TBC1D31: variants seen among roughly 807,000 people sequenced by gnomAD.
TBC1D31 encodes the protein TBC1 domain family member 31.
A neutral mutation model predicts 132.9 loss-of-function variants in TBC1D31; 99 were observed. That is an observed-to-expected ratio of 0.74 (90% CI 0.63 to 0.88). The LOEUF (loss-of-function observed/expected upper bound fraction) is 0.88. TBC1D31 is among the 40% of genes least tolerant of loss of function. The probability of loss-of-function intolerance (pLI) is 0.00; values close to 1 mark genes in which losing one functional copy is unlikely to be tolerated. For missense variants in TBC1D31, 1,134 were observed against 1,256.6 expected, an observed-to-expected ratio of 0.90 and a Z score of 1.48; for synonymous variants, 385 against 419.4, an observed-to-expected ratio of 0.92 and a Z score of 1.00.
chr8:123,077,612 A>G (rs924721784), intron 2 of TBC1D31, among the ~76,000 whole-genome samples: 7 of 151,316 alleles, frequency 4.6e-5, no homozygotes, highest in African/African-American at 1.7e-4. Flanking sequence ...GCTTACTGCA[A>G]ACTCCGCCTC....
chr8:123,150,528 T>C (rs1822667938), intron 21 of TBC1D31, among the ~76,000 whole-genome samples: 1 of 152,224 alleles, frequency 6.6e-6, no homozygotes, highest in Non-Finnish European at 1.5e-5. Flanking sequence ...TTGACTCTGT[T>C]CATTTGGGCT....
intron 1 of TBC1D31, among the ~76,000 whole-genome samples, chr8:123,074,557 T>C (rs1411683478): frequency 2.6e-5 from 4 of 152,234 alleles, no homozygotes; most frequent in East Asian, 3.8e-4. Flanking sequence ...CTAAAAGTTA[T>C]AGCCCACTCG....
chr8:123,126,762 GAC>G, intron 13 of TBC1D31, 75 bp downstream of exon 13: 2 of 1,387,530 alleles, frequency 1.4e-6, no homozygotes, highest in African/African-American at 2.9e-5. Context: ...AATTTTTTGA[GAC>G]AGAGTCTCGC....
intron 8 of TBC1D31, among the ~76,000 whole-genome samples, chr8:123,107,283 T>C (rs1818020622): frequency 6.6e-6 from 1 of 152,206 alleles, no homozygotes; most frequent in Admixed American, 6.5e-5. Flanking sequence ...CACTTTTTTC[T>C]GCACATACCC....
At chr8:123,157,090 C>CGGGG (rs906493566), downstream of TBC1D31, among the ~76,000 whole-genome samples, 1 of 152,214 alleles carries the variant, frequency 6.6e-6, no homozygotes, top group Admixed American at 6.5e-5. Flanking sequence ...GTGGTCTTGG[C>CGGGG]GGGGGTACTT....
chr8:123,076,537 C>G (rs1814534328), intron 1 of TBC1D31, among the ~76,000 whole-genome samples: 1 of 152,122 alleles, frequency 6.6e-6, no homozygotes. Context: ...GTTCATTCAG[C>G]AGGCATATTT....
chr8:123,135,892 T>C (rs1821048293), intron 17 of TBC1D31, among the ~76,000 whole-genome samples: 1 of 152,186 alleles, frequency 6.6e-6, no homozygotes, highest in Non-Finnish European at 1.5e-5. Context: ...ATTTTAGAAC[T>C]AACAGGGAAT....
chr8:123,103,448 A>T (rs1458501523), intron 7 of TBC1D31: 1 of 149,140 alleles, frequency 6.7e-6, no homozygotes, highest in African/African-American at 2.5e-5. Flanking sequence ...TTTGAGATGG[A>T]GTCTCACTCT....
chr8:123,159,857 T>C, the TBC1D31 span, among the ~76,000 whole-genome samples: 2 of 151,398 alleles, frequency 1.3e-5, no homozygotes, highest in African/African-American at 4.9e-5. Flanking sequence ...TGGTTGGAGG[T>C]AGGGGTGAGA....
chr8:123,085,002 C>T (rs953106741), intron 4 of TBC1D31, among the ~76,000 whole-genome samples: 1 of 151,722 alleles, frequency 6.6e-6, no homozygotes, highest in African/African-American at 2.4e-5. Context: ...GTTGGCCAGG[C>T]TTGTCTCAAA....
intron 19 of TBC1D31, among the ~76,000 whole-genome samples, chr8:123,144,015 A>G (rs772291114): frequency 6.6e-5 from 10 of 152,144 alleles, no homozygotes; most frequent in Admixed American, 2.6e-4. Context: ...CCCCCTCATC[A>G]GTAACATGAA....
chr8:123,144,649 C>T, intron 19 of TBC1D31, 68 bp from the exon 20 acceptor site: 2 of 1,423,938 alleles, frequency 1.4e-6, no homozygotes, highest in Admixed American at 4.5e-5. Flanking sequence ...AGAAGTGGCT[C>T]ATTCCACTGT....
chr8:123,095,217 T>C (rs1816734500), intron 5 of TBC1D31, among the ~76,000 whole-genome samples: 1 of 152,194 alleles, frequency 6.6e-6, no homozygotes, highest in Non-Finnish European at 1.5e-5. Context: ...AGGTGGTTTG[T>C]GTACTTTCAT....
chr8:123,118,979 A>AC (rs1278020375), intron 10 of TBC1D31, among the ~76,000 whole-genome samples: 2 of 152,028 alleles, frequency 1.3e-5, no homozygotes, highest in African/African-American at 4.8e-5. Flanking sequence ...TCCTGCCTCA[A>AC]CCCCCCAAAA....
intron 3 of TBC1D31, 111 bp from the exon 4 acceptor site, chr8:123,084,051 C>T (rs1815463940): frequency 5.7e-6 from 5 of 875,606 alleles, no homozygotes; most frequent in South Asian, 5.1e-5. Flanking sequence ...GGAGGTGCCT[C>T]ATATAATACC....
At chr8:123,121,296 C>CACGCCCACCTCG (rs1221880650) in intron 11 of TBC1D31, among the ~76,000 whole-genome samples, 1 of 152,136 alleles carries the variant, frequency 6.6e-6, no homozygotes, top group African/African-American at 2.4e-5. Flanking sequence ...TAACTATCTT[C>CACGCCCACCTCG]GCATGCAAAC....
chr8:123,106,887 G>A (rs1167997123), intron 8 of TBC1D31, among the ~76,000 whole-genome samples: 2 of 152,306 alleles, frequency 1.3e-5, no homozygotes, highest in South Asian at 2.1e-4. Flanking sequence ...GTGAAGTCCA[G>A]AAGAAACCAG....
At chr8:123,079,108 A>T (rs1038860325) in intron 2 of TBC1D31, among the ~76,000 whole-genome samples, 1 of 152,172 alleles carries the variant, frequency 6.6e-6, no homozygotes, top group Non-Finnish European at 1.5e-5. Flanking sequence ...AACTGTGCTG[A>T]TATCTCTACA....
downstream of TBC1D31, among the ~76,000 whole-genome samples, chr8:123,156,008 A>G (rs1822977084): frequency 6.6e-6 from 1 of 152,208 alleles, no homozygotes; most frequent in South Asian, 2.1e-4. Flanking sequence ...AAATAAACAT[A>G]CATGAAAAAT....
Sources: allele counts gnomAD v4.1 joint callset (sites outside exome capture counted in the v4.1 genomes callset), GRCh38; gene constraint gnomAD v4.1.1; transcripts MANE v1.5; gene names NCBI Gene and HGNC (gene_info 2026-07-23, HGNC 2026-07-21).